The following ABCA4 variants were observed in gnomAD, a reference collection of about 807,000 sequenced individuals.
The protein encoded by ABCA4 is ATP binding cassette subfamily A member 4.
In ABCA4, 196 loss-of-function variants were observed where a neutral mutation model predicts 263.7. The observed-to-expected ratio is 0.74, with a 90% CI of 0.66 to 0.84. The LOEUF (loss-of-function observed/expected upper bound fraction) is 0.84, where lower values mean the gene tolerates loss of function less well. ABCA4 is among the 40% of genes least tolerant of loss of function. ABCA4 has a pLI of 0.00. For missense variants in ABCA4, 2,792 were observed against 2,855.1 expected (o/e 0.98, Z 0.50); for synonymous variants, 1,133 against 1,094.2 (o/e 1.04, Z -0.70).
At position 94,019,804 on chromosome 1, in the gene ABCA4, A is replaced by G. The variant is rs774778641; in HGVS notation, c.5019-45T>C. The G allele has an allele frequency of 1.9e-6, 3 of 1,582,490 alleles. No homozygotes were observed. The African/African-American group carries it at 4.0e-5, about 21-fold the overall frequency. On this transcript the variant is annotated intron_variant, in intron 35 of 49. Coordinates refer to ENST00000370225, the MANE Select transcript of ABCA4 (RefSeq NM_000350.3). ...ACAGGGAGAGGGCGATGAAGAGGGA[A>G]GAGCAGAAGGAGGAGAAGATACAAA...
intron 16 of ABCA4, 30 bp downstream of exon 16, chr1:94,055,081 T>C (rs1660935515): frequency 1.2e-6 from 2 of 1,600,512 alleles, no homozygotes; most frequent in African/African-American, 2.7e-5. Context: ...AGAACTCAAT[T>C]ACCTTTACCC....
At position 94,021,280 on chromosome 1, in the gene ABCA4, G is replaced by A. The variant is rs1211325812; in HGVS notation, c.4978C>T (p.Pro1660Ser). ...AGCTGCTCCTTGGTCAGGTTCAGGG[G>A]TTGGCTAATGACGGTGATTCCATAC... ...EEYGITVISQ[P>S]LNLTKEQLSE... The change falls in exon 35 of 50, where the codon CCC becomes TCC. Residue 1660 changes from proline (P) to serine (S), a missense_variant. Transcript: ENST00000370225. The A allele has an allele frequency of 3.7e-6, 6 of 1,614,206 alleles. No homozygotes were observed. The highest frequency in any genetic ancestry group is 4.2e-6 in the Non-Finnish European group (5 of 1,180,044).
intron 43 of ABCA4, 117 bp downstream of exon 43, chr1:94,007,517 G>A (rs1392888903): frequency 6.4e-6 from 6 of 936,276 alleles, no homozygotes; most frequent in East Asian, 2.4e-5. Context: ...CTCCTTCTCT[G>A]TACAGATCTT....
intron 23 of ABCA4, 32 bp downstream of exon 23, chr1:94,041,177 A>T: frequency 1.2e-6 from 2 of 1,613,052 alleles, no homozygotes; most frequent in Non-Finnish European, 1.7e-6. Flanking sequence ...CTTCTCACCC[A>T]GGCCAGGGTC....
intron 6 of ABCA4, among the ~76,000 whole-genome samples, chr1:94,088,542 G>A (rs570347570): frequency 2.6e-5 from 4 of 152,188 alleles, no homozygotes; most frequent in African/African-American, 9.7e-5. Flanking sequence ...TGACCACATC[G>A]TCTTACCCCA....
chr1:94,031,037 G>T lies in ABCA4; in HGVS notation c.4212C>A (p.Thr1404=). The T allele has an allele frequency of 6.2e-7, 1 of 1,614,072 alleles. No individual in the cohort carries two copies. Among genetic ancestry groups the T allele is most frequent in the South Asian group, 1.1e-5 (1 of 91,060 alleles). Residue 1404 remains threonine (T), a synonymous_variant, in exon 28 of 50, where the codon ACC becomes ACA. Coordinates refer to ENST00000370225, the MANE Select transcript of ABCA4 (RefSeq NM_000350.3). ...GCTGCCCATATATCCAGGGGTGAAG[G>T]GTCAAAGCGGGGTATTCGCCAAAAG... ...IPPFGEYPAL[T]LHPWIYGQQY...
At position 94,021,346 on chromosome 1, in the gene ABCA4, T is replaced by C; in HGVS notation, c.4912A>G (p.Ile1638Val). The part of the protein sequence containing the change: ...VSFLNVAHNA[I>V]LRASLPKDRS... ...TCCTTAGGCAGGCTGGCCCGTAAGATGGCGTTGTGGGCCACATTGAGAAAG... is the reference window on the plus strand; with the variant it reads ...TCCTTAGGCAGGCTGGCCCGTAAGACGGCGTTGTGGGCCACATTGAGAAAG... Residue 1638 changes from isoleucine (I) to valine (V), a missense_variant, in exon 35 of 50, where the codon ATC (isoleucine) becomes GTC (valine). Transcript: ENST00000370225. The C allele has an allele frequency of 1.2e-6, 2 of 1,614,214 alleles. No homozygotes were observed. The highest frequency in any genetic ancestry group is 1.7e-6 in the Non-Finnish European group (2 of 1,180,036).
chr1:94,097,408 C>G (rs1662151757), intron 6 of ABCA4, among the ~76,000 whole-genome samples: 2 of 152,122 alleles, frequency 1.3e-5, no homozygotes, highest in Admixed American at 6.5e-5. Context: ...AGTGAGTTTC[C>G]TGGGACTTGA....
intron 31 of ABCA4, 104 bp downstream of exon 31, chr1:94,024,850 C>T: frequency 2.9e-6 from 3 of 1,031,712 alleles, no homozygotes; most frequent in Middle Eastern, 2.8e-4. Context: ...AAAAAATCTA[C>T]TGCCCTGATC....
In ABCA4 at chr1:94,011,261, C is replaced by T. The variant is rs773876335; in HGVS notation, c.5584+1G>A. 3.1e-6 allele frequency: 5 copies of T among 1,613,964 alleles called. No individual in the cohort carries two copies. The highest frequency in any genetic ancestry group is 4.2e-6 in the Non-Finnish European group (5 of 1,180,018). The stretch of plus-strand genomic sequence containing the variant: ...CTCCATGGGCCTCGGCTACCACCCA[C>T]CAAACCGGGCATAGACATCTGTCAC... On this transcript the variant is annotated splice_donor_variant, in intron 39 of 49. Coordinates refer to ENST00000370225, the MANE Select transcript of ABCA4 (RefSeq NM_000350.3). LOFTEE classifies it high-confidence loss of function.
intron 4 of ABCA4, among the ~76,000 whole-genome samples, chr1:94,106,689 C>G (rs1479367585): frequency 2.6e-5 from 4 of 152,204 alleles, no homozygotes; most frequent in African/African-American, 9.7e-5. Flanking sequence ...TAGTTTGAAA[C>G]AATGAGAACG....
At chr1:94,074,128 A>C (rs994326629) in intron 11 of ABCA4, among the ~76,000 whole-genome samples, 4 of 152,214 alleles carry the variant, frequency 2.6e-5, no homozygotes, top group African/African-American at 9.6e-5. Flanking sequence ...GAGCCAGTCG[A>C]TCTGGGTTGA....
At chr1:94,029,717 C>T (rs1279012394) in intron 29 of ABCA4, 86 bp from the exon 30 acceptor site, 3 of 1,298,542 alleles carry the variant, frequency 2.3e-6, no homozygotes, top group African/African-American at 2.9e-5. Context: ...CCAACCCTTT[C>T]CTCCTCCTCT....
chr1:94,010,268 C>A (rs1659509508), intron 40 of ABCA4, among the ~76,000 whole-genome samples: 1 of 152,174 alleles, frequency 6.6e-6, no homozygotes, highest in Non-Finnish European at 1.5e-5. Context: ...ATGGCAATTG[C>A]CAGCTAACCT....
chr1:94,121,113 C>T lies in ABCA4; in HGVS notation c.-68G>A. ...CCTCAGACAGCAAAGGACATAAACG[C>T]CGTTAAGAGCGCCTCTGGCTCCGGA... is the stretch of plus-strand genomic sequence containing the variant. On this transcript the variant is annotated 5_prime_UTR_variant, in exon 1 of 50. Transcript: ENST00000370225. 1 of 1,451,636 alleles carries T rather than the reference C, an allele frequency of 6.9e-7. No homozygotes were observed. The highest frequency in any genetic ancestry group is 9.7e-7 in the Non-Finnish European group (1 of 1,032,174). The allele number at this position is 1,451,636 out of a possible 1,614,324, so 89.9% of individuals were successfully genotyped here. A position where few individuals can be genotyped will look rare whatever the true frequency, so the allele number is the denominator to read the frequency against.
At position 94,111,546 on chromosome 1, in the gene ABCA4, C is replaced by A. The variant is rs62654395; in HGVS notation, c.194G>T (p.Gly65Val). 1 of 1,614,250 alleles carries A rather than the reference C, an allele frequency of 6.2e-7. No homozygotes were observed. Among genetic ancestry groups the A allele is most frequent in the African/African-American group, 1.3e-5 (1 of 75,072 alleles). ...HFPNKAMPSAGMLPWLQGIFC... is the reference protein window; with the variant it reads ...HFPNKAMPSAVMLPWLQGIFC... ...GATCCCCTGGAGCCACGGCAGCATT[C>A]CTGCTGAGGGCATCGCCTTGTTGGG... The change falls in exon 3 of 50, where the codon GGA becomes GTA. Residue 65 changes from glycine (G) to valine (V), a missense_variant. Coordinates refer to ENST00000370225, the MANE Select transcript of ABCA4 (RefSeq NM_000350.3).
At chr1:94,087,991 T>C (rs1347307215) in intron 6 of ABCA4, among the ~76,000 whole-genome samples, 1 of 152,132 alleles carries the variant, frequency 6.6e-6, no homozygotes, top group East Asian at 1.9e-4. Flanking sequence ...ATCGCTTATG[T>C]CTCCCTAGCT....
At chr1:94,111,865 GC>G (rs1662614091) in intron 2 of ABCA4, among the ~76,000 whole-genome samples, 1 of 152,226 alleles carries the variant, frequency 6.6e-6, no homozygotes, top group East Asian at 1.9e-4. Context: ...GTCATTTTGT[GC>G]CGAGAGGGGC....
intron 11 of ABCA4, among the ~76,000 whole-genome samples, chr1:94,068,073 A>G (rs1240852250): frequency 1.3e-5 from 2 of 152,202 alleles, no homozygotes; most frequent in Non-Finnish European, 2.9e-5. Flanking sequence ...TCTTTAAATA[A>G]TATGTCTGGG....
Sources: allele counts gnomAD v4.1 joint callset (sites outside exome capture counted in the v4.1 genomes callset), GRCh38; gene constraint gnomAD v4.1.1; transcripts MANE v1.5; gene names NCBI Gene and HGNC (gene_info 2026-07-23, HGNC 2026-07-21).